THOC1: variants seen among roughly 807,000 people sequenced by gnomAD.
The protein encoded by THOC1 is THO complex 1.
In THOC1, 29 loss-of-function variants were observed where a neutral mutation model predicts 97.3. The observed-to-expected ratio is 0.30, with a 90% CI of 0.22 to 0.41. The LOEUF is 0.41. Among genes scored for constraint, THOC1 ranks in the 10% least tolerant of loss-of-function variants. The probability of loss-of-function intolerance (pLI) is 1.00; values close to 1 mark genes in which losing one functional copy is unlikely to be tolerated. For missense variants in THOC1, 529 were observed against 761.9 expected (o/e 0.69, Z 3.60); for synonymous variants, 255 against 257.0 (o/e 0.99, Z 0.07).
chr18:247,728 TG>T, intron 10 of THOC1, 120 bp downstream of exon 10: 1 of 616,332 alleles, frequency 1.6e-6, no homozygotes. Flanking sequence ...GTTATGAAAT[TG>T]GTATAAAAAT....
intron 11 of THOC1, among the ~76,000 whole-genome samples, chr18:228,943 C>T (rs1385176582): frequency 1.3e-5 from 2 of 152,178 alleles, no homozygotes; most frequent in African/African-American, 4.8e-5. Flanking sequence ...TTCCACTTAG[C>T]AAAAATACTA....
chr18:215,913 C>A (rs1195079187), intron 19 of THOC1: 1 of 193,558 alleles, frequency 5.2e-6, no homozygotes, highest in Non-Finnish European at 1.1e-5. Flanking sequence ...GGAAAAAATT[C>A]ATGTCTGTGT....
At chr18:252,664 A>G in intron 8 of THOC1, 52 bp from the exon 9 acceptor site, 1 of 1,455,352 alleles carries the variant, frequency 6.9e-7, no homozygotes, top group African/African-American at 1.4e-5. Context: ...ATCAGACAGA[A>G]GAGATAAATG....
At chr18:227,183 T>C (rs1438804441) in intron 11 of THOC1, among the ~76,000 whole-genome samples, 1 of 151,578 alleles carries the variant, frequency 6.6e-6, no homozygotes, top group Non-Finnish European at 1.5e-5. Context: ...AAAGCAGAAA[T>C]AGAAAAAAGT....
chr18:258,137 A>G (rs1422959425), intron 7 of THOC1, among the ~76,000 whole-genome samples: 1 of 152,166 alleles, frequency 6.6e-6, no homozygotes, highest in East Asian at 1.9e-4. Context: ...ATTATCTTCA[A>G]GAAGTGAGAC....
At chr18:267,012 T>C (rs1418312445) in intron 1 of THOC1, among the ~76,000 whole-genome samples, 1 of 66,262 alleles carries the variant, frequency 1.5e-5, no homozygotes, top group Non-Finnish European at 3.5e-5. Context: ...CGTATACGTA[T>C]ATATATGTAT....
chr18:238,403 G>C (rs1911783077), intron 11 of THOC1, among the ~76,000 whole-genome samples: 1 of 152,116 alleles, frequency 6.6e-6, no homozygotes, highest in South Asian at 2.1e-4. Flanking sequence ...ATAATGTGTT[G>C]CTTACCTACA....
Position 225,001 on chromosome 18 carries a change from AAAAC to A in THOC1, c.1138-11_1138-8del, listed in dbSNP as rs1275512261. ...CTTCAGTGTTTAATATATGCTGGGAAAAACAAAGCGATTACATTTTGGTTAGTGG... is the reference window on the plus strand; with the variant it reads ...CTTCAGTGTTTAATATATGCTGGGAAAAAGCGATTACATTTTGGTTAGTGG... On this transcript the variant is annotated splice_region_variant and splice_polypyrimidine_tract_variant and intron_variant, in intron 14 of 20. Transcript: ENST00000261600. The A allele has an allele frequency of 2.5e-6, 4 of 1,568,944 alleles. No homozygotes were observed. Among genetic ancestry groups the A allele is most frequent in the Non-Finnish European group, 3.5e-6 (4 of 1,154,702 alleles).
chr18:225,698 A>G (rs1290455553), intron 12 of THOC1: 19 of 296,420 alleles, frequency 6.4e-5, no homozygotes, highest in Non-Finnish European at 8.7e-5. Flanking sequence ...TGAGTGTGAA[A>G]CGAAAACTTC....
chr18:224,315 A>G (rs1326956579), intron 15 of THOC1, 136 bp from the exon 16 acceptor site: 1 of 663,470 alleles, frequency 1.5e-6, no homozygotes, highest in African/African-American at 1.8e-5. Flanking sequence ...ATGGTGGCTC[A>G]TGCCTGTAAT....
intron 17 of THOC1, among the ~76,000 whole-genome samples, chr18:221,880 T>C (rs939675214): frequency 5.3e-5 from 8 of 152,172 alleles, no homozygotes; most frequent in African/African-American, 7.2e-5. Flanking sequence ...AGTGCTGGGA[T>C]TACAGGTATG....
At chr18:215,639 G>A in intron 19 of THOC1, 135 bp from the exon 20 acceptor site, 1 of 652,670 alleles carries the variant, frequency 1.5e-6, no homozygotes, top group Non-Finnish European at 2.7e-6. Flanking sequence ...AGCGTTAAAT[G>A]ACAGTGTCAG....
intron 5 of THOC1, 89 bp downstream of exon 5, chr18:260,097 A>T: frequency 1.2e-6 from 1 of 829,874 alleles, no homozygotes; most frequent in Non-Finnish European, 1.7e-6. Flanking sequence ...CAGCAATACT[A>T]CAAATAAATT....
chr18:215,787 C>G (rs1910860449), intron 19 of THOC1: 1 of 343,744 alleles, frequency 2.9e-6, no homozygotes, highest in African/African-American at 2.1e-5. Context: ...TTGCAAATAC[C>G]CAGGGTTTAT....
Position 214,906 on chromosome 18 carries a change from C to T in THOC1, c.1694G>A (p.Arg565Gln), listed in dbSNP as rs370144365. The T allele has an allele frequency of 2.7e-5, 44 of 1,613,752 alleles. No individual in the cohort carries two copies. In the South Asian group the frequency reaches 4.4e-4, roughly 16 times the overall value. ...TTGTTCTCCTGTTACAGGTTTGTCT[C>T]GCCGAACATCAGGACCTAGAAAATG... ...LKENESPDVR[R>Q]DKPVTGEQIE... Residue 565 changes from arginine to glutamine, a missense_variant, in exon 21 of 21, where the codon CGA (arginine) becomes CAA (glutamine). Physicochemically the swap from Arg to Gln is conservative, Grantham distance 43. Transcript: ENST00000261600.
chr18:237,313 C>T (rs1430983249), intron 11 of THOC1, among the ~76,000 whole-genome samples: 2 of 152,056 alleles, frequency 1.3e-5, no homozygotes, highest in Non-Finnish European at 2.9e-5. Context: ...CGCACTACCA[C>T]ACCCAGCTAA....
intron 17 of THOC1, among the ~76,000 whole-genome samples, chr18:220,187 C>A (rs1911029813): frequency 6.6e-6 from 1 of 152,148 alleles, no homozygotes; most frequent in Admixed American, 6.5e-5. Flanking sequence ...AATGAACATT[C>A]TTGCACCTGT....
intron 11 of THOC1, among the ~76,000 whole-genome samples, chr18:236,426 G>C (rs1455211907): frequency 6.9e-6 from 1 of 145,426 alleles, no homozygotes; most frequent in Non-Finnish European, 1.5e-5. Context: ...CGCGATCTCG[G>C]CTCACTGCAA....
At chr18:223,108 C>T (rs1402752111) in intron 17 of THOC1, among the ~76,000 whole-genome samples, 3 of 152,164 alleles carry the variant, frequency 2.0e-5, no homozygotes, top group East Asian at 1.9e-4. Flanking sequence ...GCAAGTTCAA[C>T]GAACTTTTGT....
Sources: gnomAD v4.1 joint callset for allele counts (sites outside exome capture counted in the v4.1 genomes callset) on GRCh38, gnomAD v4.1.1 for gene constraint, MANE v1.5 for transcripts, NCBI Gene and HGNC (gene_info 2026-07-23, HGNC 2026-07-21) for gene names.